The following PLEKHA5 variants were observed in gnomAD, a reference collection of about 807,000 sequenced individuals.
PLEKHA5 encodes pleckstrin homology domain-containing family A member 5.
In PLEKHA5, 55 loss-of-function variants were observed where a neutral mutation model predicts 181.9. The observed-to-expected ratio is 0.30, with a 90% CI of 0.24 to 0.38. PLEKHA5 has a LOEUF of 0.38. PLEKHA5 is among the 10% of genes least tolerant of loss of function. The pLI is 1.00. For missense variants in PLEKHA5, 1,432 were observed against 1,549.5 expected (o/e 0.92, Z 1.27); for synonymous variants, 535 against 529.4 (o/e 1.01, Z -0.15).
intron 15 of PLEKHA5, among the ~76,000 whole-genome samples, chr12:19,308,625 C>T (rs2085047105): frequency 6.6e-6 from 1 of 152,136 alleles, no homozygotes; most frequent in South Asian, 2.1e-4. Context: ...AGGAAATGCA[C>T]TGACTGCATG....
intron 28 of PLEKHA5, 80 bp downstream of exon 28, chr12:19,359,626 AGT>A (rs2095122791): frequency 7.1e-7 from 1 of 1,417,314 alleles, no homozygotes. Flanking sequence ...TTGAAAATAA[AGT>A]GTGTTTCTTT....
intron 25 of PLEKHA5, 113 bp from the exon 26 acceptor site, chr12:19,353,771 T>C (rs1487401523): frequency 1.2e-5 from 8 of 682,796 alleles, no homozygotes; most frequent in Non-Finnish European, 2.1e-5. Flanking sequence ...CCTGACTCTT[T>C]TTAAATAAAT....
chr12:19,342,153 A>G (rs1302455838), intron 21 of PLEKHA5, among the ~76,000 whole-genome samples: 3 of 152,246 alleles, frequency 2.0e-5, no homozygotes, highest in African/African-American at 7.2e-5. Flanking sequence ...GTTCTAGGCA[A>G]TGTGACAGTT....
chr12:19,170,367 T>C (rs966144290), intron 3 of PLEKHA5, among the ~76,000 whole-genome samples: 2 of 152,174 alleles, frequency 1.3e-5, no homozygotes, highest in East Asian at 1.9e-4. Context: ...AGTGTAGGAA[T>C]GGGTGAGGTG....
At chr12:19,296,552 A>G (rs1290320552) in intron 15 of PLEKHA5, among the ~76,000 whole-genome samples, 4 of 152,080 alleles carry the variant, frequency 2.6e-5, no homozygotes, top group Admixed American at 2.6e-4. Flanking sequence ...ATCTCAAAAA[A>G]AAAAAAAAAA....
rs1383698778 is a variant in PLEKHA5, at chr12:19,130,846, T to G, written c.169+716T>G. ...AGTTGCTGGCGATCCGGATCTAAAG[T>G]CCCCGCCAGCCGCACGGAGGTTGCA... On this transcript the variant is annotated intron_variant, in intron 2 of 31. Coordinates refer to ENST00000429027, the MANE Select transcript of PLEKHA5 (RefSeq NM_001256470.2). The surrounding 1 kb of genome is among the most constrained non-coding windows in gnomAD (Gnocchi z 4.5). 1 of 151,994 alleles carries G rather than the reference T, an allele frequency of 6.6e-6. No individual in the cohort carries two copies. The highest frequency in any genetic ancestry group is 6.6e-5 in the Admixed American group (1 of 15,262). The allele number at this position is 151,994 out of a possible 1,614,324, so 9.4% of individuals were successfully genotyped here.
At chr12:19,187,505 G>A (rs2050131771) in intron 3 of PLEKHA5, among the ~76,000 whole-genome samples, 1 of 152,108 alleles carries the variant, frequency 6.6e-6, no homozygotes, top group Admixed American at 6.6e-5. Context: ...TTAGCAGGTG[G>A]CTTCAGTTCG....
At chr12:19,360,137 G>T (rs1050702757) in intron 28 of PLEKHA5, among the ~76,000 whole-genome samples, 3 of 151,814 alleles carry the variant, frequency 2.0e-5, no homozygotes, top group African/African-American at 7.3e-5. Context: ...TTTGAGACCA[G>T]CCTGGGCAAC....
intron 3 of PLEKHA5, among the ~76,000 whole-genome samples, chr12:19,185,817 A>G (rs2049732483): frequency 6.6e-6 from 1 of 152,208 alleles, no homozygotes; most frequent in Admixed American, 6.5e-5. Flanking sequence ...AGTTGTTCCA[A>G]GGATAGCCAT....
chr12:19,223,225 A>G (rs1457751656), intron 3 of PLEKHA5, among the ~76,000 whole-genome samples: 2 of 152,086 alleles, frequency 1.3e-5, no homozygotes, highest in African/African-American at 2.4e-5. Context: ...TCAAGCATAC[A>G]TGGGTAATGA....
At chr12:19,297,759 T>A (rs1005542615) in intron 15 of PLEKHA5, among the ~76,000 whole-genome samples, 3 of 151,704 alleles carry the variant, frequency 2.0e-5, no homozygotes, top group African/African-American at 7.2e-5. Flanking sequence ...TATTATTTTT[T>A]TTTTTTTTTT....
intron 3 of PLEKHA5, among the ~76,000 whole-genome samples, chr12:19,215,493 T>C (rs2057792149): frequency 6.6e-6 from 1 of 152,162 alleles, no homozygotes; most frequent in Non-Finnish European, 1.5e-5. Context: ...GGGCGTTGCA[T>C]ATAGTAGTTT....
At chr12:19,210,100 A>G (rs1009274988) in intron 3 of PLEKHA5, among the ~76,000 whole-genome samples, 18 of 152,214 alleles carry the variant, frequency 1.2e-4, no homozygotes, top group African/African-American at 4.1e-4. Flanking sequence ...CTACATTGAC[A>G]TGGTTAAATT....
intron 26 of PLEKHA5, among the ~76,000 whole-genome samples, chr12:19,355,376 G>A (rs1270973404): frequency 3.0e-5 from 4 of 131,502 alleles, no homozygotes; most frequent in Non-Finnish European, 4.7e-5. Flanking sequence ...TCAATGGATA[G>A]GGTTTCACTC....
At position 19,274,788 on chromosome 12, in the gene PLEKHA5, G is replaced by C. The variant is rs1372022613; in HGVS notation, c.1118G>C (p.Arg373Thr). The change falls in exon 11 of 32, where the codon AGA (arginine) becomes ACA (threonine). Residue 373 changes from arginine (R) to threonine (T), a missense_variant. Physicochemically the swap from Arg to Thr is moderately conservative, Grantham distance 71. Transcript: ENST00000429027. ...TGCCCTGCTCAGACTGTGCACTACA[G>C]ACCAATCAACTTGAGCAGTTCAGAG... ...SACPAQTVHY[R>T]PINLSSSENK... 6.2e-7 allele frequency: 1 copy of C among 1,614,172 alleles called. No homozygotes were observed. The highest frequency in any genetic ancestry group is 8.5e-7 in the Non-Finnish European group (1 of 1,180,030).
chr12:19,163,749 T>G (rs989114475), intron 3 of PLEKHA5, among the ~76,000 whole-genome samples: 1 of 152,160 alleles, frequency 6.6e-6, no homozygotes, highest in African/African-American at 2.4e-5. Flanking sequence ...CATTACAAAT[T>G]TCTAATTTCC....
chr12:19,283,791 C>A, intron 12 of PLEKHA5, 46 bp downstream of exon 12: 2 of 1,197,668 alleles, frequency 1.7e-6, no homozygotes, highest in South Asian at 1.3e-5. Context: ...CTTATAAATG[C>A]TGTGTTTTCT....
rs2091161563 is a variant in PLEKHA5, at chr12:19,322,670, A to G, written c.2448+3A>G. 1 of 1,600,712 alleles carries G rather than the reference A, an allele frequency of 6.2e-7. No individual in the cohort carries two copies. Among genetic ancestry groups the G allele is most frequent in the Non-Finnish European group, 8.5e-7 (1 of 1,174,656 alleles). Reference sequence around the variant, plus strand: ...GAGAACTTTCTCGAGCCACTGCCGTAAGTAGATTTTTTTTTTCCCCTAATA... The same window carrying G: ...GAGAACTTTCTCGAGCCACTGCCGTGAGTAGATTTTTTTTTTCCCCTAATA... On this transcript the variant is annotated splice_donor_region_variant and intron_variant, in intron 20 of 31. Coordinates refer to ENST00000429027, the MANE Select transcript of PLEKHA5 (RefSeq NM_001256470.2).
chr12:19,277,293 C>T (rs2074846804), intron 11 of PLEKHA5, among the ~76,000 whole-genome samples: 1 of 152,086 alleles, frequency 6.6e-6, no homozygotes, highest in South Asian at 2.1e-4. Flanking sequence ...TCACTTTTCC[C>T]CGAAAATCAT....
Sources: gnomAD v4.1 joint callset for allele counts (sites outside exome capture counted in the v4.1 genomes callset) on GRCh38, gnomAD v4.1.1 for gene constraint, Gnocchi (gnomAD v3.1) non-coding constraint, MANE v1.5 for transcripts, NCBI Gene and HGNC (gene_info 2026-07-23, HGNC 2026-07-21) for gene names.